The following RORA variants were observed in gnomAD, a reference collection of about 807,000 sequenced individuals.
RORA encodes the protein RAR related orphan receptor A.
A neutral mutation model predicts 69.5 loss-of-function variants in RORA; 7 were observed. The ratio of observed to expected loss-of-function variants is 0.10; its 90% CI spans 0.06 to 0.19. RORA has a LOEUF of 0.19. RORA is among the 10% of genes least tolerant of loss of function. RORA has a pLI of 1.00. For missense variants in RORA, 457 were observed against 663.0 expected (o/e 0.69, Z 3.41); for synonymous variants, 261 against 240.8 (o/e 1.08, Z -0.78).
intron 1 of RORA, among the ~76,000 whole-genome samples, chr15:60,855,073 T>C (rs1245936050): frequency 3.9e-5 from 6 of 152,336 alleles, no homozygotes; most frequent in Non-Finnish European, 5.9e-5. Context: ...CGATTGTGCT[T>C]GTCTGTGTGG....
intron 2 of RORA, among the ~76,000 whole-genome samples, chr15:60,634,822 A>G (rs2069807282): frequency 6.6e-6 from 1 of 152,056 alleles, no homozygotes; most frequent in African/African-American, 2.4e-5. Context: ...CTTTTGCCTT[A>G]CTAATTCTGA....
At chr15:60,833,096 G>C (rs879469349) in intron 1 of RORA, among the ~76,000 whole-genome samples, 30 of 151,894 alleles carry the variant, frequency 2.0e-4, no homozygotes, top group Non-Finnish European at 3.8e-4. Context: ...AGTAGAGACA[G>C]GGTTTCACCG....
At chr15:60,621,035 A>G (rs1372850732) in intron 2 of RORA, among the ~76,000 whole-genome samples, 1 of 152,218 alleles carries the variant, frequency 6.6e-6, no homozygotes, top group African/African-American at 2.4e-5. Flanking sequence ...GTATTCTTTC[A>G]GCAGTTACTA....
intron 1 of RORA, among the ~76,000 whole-genome samples, chr15:60,888,844 A>G (rs1323622996): frequency 3.5e-5 from 5 of 142,732 alleles, no homozygotes; most frequent in Non-Finnish European, 7.7e-5. Context: ...CCTCCTGCCC[A>G]GAGAGGATGG....
chr15:60,854,690 T>C (rs1304575531), intron 1 of RORA, among the ~76,000 whole-genome samples: 1 of 152,212 alleles, frequency 6.6e-6, no homozygotes, highest in African/African-American at 2.4e-5. Context: ...ATGATGATTA[T>C]CCCTAAAAGT....
chr15:60,992,731 G>C (rs1300643342), intron 1 of RORA, among the ~76,000 whole-genome samples: 2 of 152,172 alleles, frequency 1.3e-5, no homozygotes, highest in African/African-American at 4.8e-5. Flanking sequence ...TACAAGAGAA[G>C]GATGTATATC....
chr15:60,799,774 T>G (rs753581240), intron 1 of RORA, among the ~76,000 whole-genome samples: 1 of 152,166 alleles, frequency 6.6e-6, no homozygotes, highest in Admixed American at 6.5e-5. Context: ...GAGACTGCAA[T>G]AGCAGAGAGG....
At chr15:61,220,901 T>C (rs7175709) in intron 1 of RORA, among the ~76,000 whole-genome samples, 2,295 of 152,328 alleles carry the variant, frequency 0.015, 64 homozygotes, top group African/African-American at 0.051. Flanking sequence ...CTTTTCCCTC[T>C]AGAGGCTCCC....
At chr15:61,018,981 C>T (rs1895406705) in intron 1 of RORA, among the ~76,000 whole-genome samples, 1 of 152,220 alleles carries the variant, frequency 6.6e-6, no homozygotes, top group African/African-American at 2.4e-5. Context: ...GCAAACAGAG[C>T]TTATCCAGCT....
chr15:60,627,169 G>A (rs2069605412), intron 2 of RORA: 3 of 1,393,540 alleles, frequency 2.2e-6, no homozygotes, highest in Non-Finnish European at 3.0e-6. Context: ...CAGACATTGG[G>A]TTGTGGGTGG....
chr15:60,780,509 A>G (rs1454861589), intron 1 of RORA, among the ~76,000 whole-genome samples: 1 of 152,258 alleles, frequency 6.6e-6, no homozygotes, highest in East Asian at 1.9e-4. Flanking sequence ...ATCAGTGTTC[A>G]ATTAATAATG....
chr15:61,162,542 T>C (rs917315207), intron 1 of RORA, among the ~76,000 whole-genome samples: 7 of 152,124 alleles, frequency 4.6e-5, no homozygotes, highest in African/African-American at 1.7e-4. Flanking sequence ...GGGGGAAAGG[T>C]GACAGCCGTC....
rs142529162 is a variant in RORA at position 61,073,851 on chromosome 15, C to G, written c.166+155202G>C. Among the ~76,000 whole-genome samples the G allele has an allele frequency of 6.6e-5, 10 of 152,286 alleles. No individual in the cohort carries two copies. In the East Asian group the frequency reaches 1.9e-3, roughly 29 times the overall value. On this transcript the variant is annotated intron_variant, in intron 1 of 10. Coordinates refer to ENST00000335670, the MANE Select transcript of RORA (RefSeq NM_134261.3). ...CCACAATGTTTTGGCACCCTAAATGCCAAGCATCGCTGAATCAATTGCTAA... is the reference window on the plus strand; with the variant it reads ...CCACAATGTTTTGGCACCCTAAATGGCAAGCATCGCTGAATCAATTGCTAA...
Position 60,702,524 on chromosome 15 carries a change from G to A in RORA, c.167-23838C>T, listed in dbSNP as rs549140609. On this transcript the variant is annotated intron_variant, in intron 1 of 10. Transcript: ENST00000335670. ...TGGGATTACAGGCGTGAGCCACCGCGCCTGGCCAGTTTCAAGGATCTTATG... is the reference window on the plus strand; with the variant it reads ...TGGGATTACAGGCGTGAGCCACCGCACCTGGCCAGTTTCAAGGATCTTATG... Among the ~76,000 whole-genome samples the A allele has an allele frequency of 4.6e-5, 7 of 152,276 alleles. No homozygotes were observed. The South Asian group carries it at 8.3e-4, about 18-fold the overall frequency.
At chr15:60,535,392 T>C (rs1023418434) in intron 2 of RORA, among the ~76,000 whole-genome samples, 9 of 152,218 alleles carry the variant, frequency 5.9e-5, no homozygotes, top group Non-Finnish European at 7.3e-5. Context: ...TGCTCTCTCA[T>C]GCACCCTGTG....
At chr15:60,717,796 C>CTTTTTTTTTTTTTTTTTTTTTTTTTTT (rs10653856) in intron 1 of RORA, among the ~76,000 whole-genome samples, 5 of 91,968 alleles carry the variant, frequency 5.4e-5, no homozygotes, top group East Asian at 3.9e-4. Flanking sequence ...TTCTTTTTCT[C>CTTTTTTTTTTTTTTTTTTTTTTTTTTT]TTTTTTTTTT....
chr15:60,886,892 T>C (rs1285312952), intron 1 of RORA, among the ~76,000 whole-genome samples: 2 of 152,188 alleles, frequency 1.3e-5, no homozygotes, highest in Non-Finnish European at 2.9e-5. Flanking sequence ...CTGAGAACTT[T>C]GAAATCCCTA....
chr15:60,591,463 T>C (rs1596025347), intron 2 of RORA, among the ~76,000 whole-genome samples: 1 of 152,152 alleles, frequency 6.6e-6, no homozygotes. Flanking sequence ...TTTCTCTCCT[T>C]CTCACCTGAG....
At chr15:61,056,256 A>T (rs1227878131) in intron 1 of RORA, among the ~76,000 whole-genome samples, 1 of 152,232 alleles carries the variant, frequency 6.6e-6, no homozygotes, top group Non-Finnish European at 1.5e-5. Context: ...CTCATTTAGC[A>T]CTACCCTAAA....
Sources: allele counts gnomAD v4.1 joint callset (sites outside exome capture counted in the v4.1 genomes callset), GRCh38; gene constraint gnomAD v4.1.1; transcripts MANE v1.5; gene names NCBI Gene and HGNC (gene_info 2026-07-23, HGNC 2026-07-21).